HSPA12A: variants seen among roughly 807,000 people sequenced by gnomAD.
The protein encoded by HSPA12A is heat shock 70 kDa protein 12A.
A neutral mutation model predicts 69.2 loss-of-function variants in HSPA12A; 28 were observed. The ratio of observed to expected loss-of-function variants is 0.40; its 90% CI spans 0.30 to 0.55. The LOEUF (loss-of-function observed/expected upper bound fraction) is 0.55, where lower values mean the gene tolerates loss of function less well. HSPA12A is among the 20% of genes least tolerant of loss of function. The probability of loss-of-function intolerance (pLI) is 0.38; values close to 1 mark genes in which losing one functional copy is unlikely to be tolerated. For missense variants in HSPA12A, 686 were observed against 900.7 expected (o/e 0.76, Z 3.05); for synonymous variants, 345 against 370.5 (o/e 0.93, Z 0.79).
At chr10:116,694,404 G>A (rs762942765) in intron 5 of HSPA12A, among the ~76,000 whole-genome samples, 4 of 152,120 alleles carry the variant, frequency 2.6e-5, no homozygotes, top group East Asian at 1.9e-4. Context: ...ATTTATTCAC[G>A]GCATATTCCC....
intron 5 of HSPA12A, among the ~76,000 whole-genome samples, chr10:116,695,876 A>G (rs12245201): frequency 0.52 from 77,985 of 149,046 alleles, 20,711 homozygotes; most frequent in Middle Eastern, 0.64. Flanking sequence ...GGTGGCACAC[A>G]CCTGTAGTCC....
rs533102470 is a variant in HSPA12A, at chr10:116,686,400, G to A, written c.664-2438C>T. 7.9e-5 allele frequency among the ~76,000 whole-genome samples: 12 copies of A among 152,270 alleles called. No individual in the cohort carries two copies. The South Asian group carries it at 2.3e-3, about 29-fold the overall frequency. On this transcript the variant is annotated intron_variant, in intron 6 of 11. Transcript: ENST00000369209. This position sits in a 1 kb window ranked among gnomAD's most constrained non-coding sequence, Gnocchi z 4.1. Reference sequence around the variant, plus strand: ...TCCAAGGGGGAAGCTTCCACAAAACGGGGTGAGGAAGAAGGGACAACTTGC... The same window carrying A: ...TCCAAGGGGGAAGCTTCCACAAAACAGGGTGAGGAAGAAGGGACAACTTGC...
chr10:116,813,750 G>T (rs1185327627), intron 2 of HSPA12A, among the ~76,000 whole-genome samples: 1 of 152,074 alleles, frequency 6.6e-6, no homozygotes, highest in Non-Finnish European at 1.5e-5. Flanking sequence ...TGGGCATGGT[G>T]ATGAGCACCT....
At position 116,835,866 on chromosome 10, in the gene HSPA12A, C is replaced by T. The variant is rs9420214; in HGVS notation, c.4-844G>A. On this transcript the variant is annotated intron_variant, in intron 1 of 12. Transcript: ENST00000635765. ...TTAAAGATGAGTAAAATCAAGCCGG[C>T]GGTGTGTGGTGGTGAATGCCTGTGA... 4.2e-3 allele frequency among the ~76,000 whole-genome samples: 639 copies of T among 152,182 alleles called. 4 individuals carry two copies. Among genetic ancestry groups the T allele is most frequent in the African/African-American group, 0.015 (622 of 41,510 alleles).
chr10:116,716,786 C>T (rs1850620300), intron 1 of HSPA12A, among the ~76,000 whole-genome samples: 1 of 152,134 alleles, frequency 6.6e-6, no homozygotes, highest in African/African-American at 2.4e-5. Context: ...GTGCCCCCTT[C>T]TCCCTCCATG....
chr10:116,729,333 C>A (rs1554885424), intron 1 of HSPA12A, among the ~76,000 whole-genome samples: 1 of 152,146 alleles, frequency 6.6e-6, no homozygotes, highest in African/African-American at 2.4e-5. Context: ...GCCTTGAGAT[C>A]CCCCACCATC....
At chr10:116,795,531 C>T (rs1191932196) in intron 2 of HSPA12A, among the ~76,000 whole-genome samples, 1 of 138,202 alleles carries the variant, frequency 7.2e-6, no homozygotes, top group African/African-American at 2.8e-5. Flanking sequence ...AAAAAAAATA[C>T]AAAAATTAGC....
At chr10:116,758,287 C>T (rs572384891) in intron 2 of HSPA12A, among the ~76,000 whole-genome samples, 1 of 152,292 alleles carries the variant, frequency 6.6e-6, no homozygotes, top group East Asian at 1.9e-4. Flanking sequence ...ACTCATTCCC[C>T]TTTCACTCTG....
At chr10:116,722,986 G>A (rs1469184470) in intron 1 of HSPA12A, among the ~76,000 whole-genome samples, 1 of 151,960 alleles carries the variant, frequency 6.6e-6, no homozygotes, top group Non-Finnish European at 1.5e-5. Context: ...CAGGCCAAAG[G>A]AACAGCAAGG....
intron 1 of HSPA12A, among the ~76,000 whole-genome samples, chr10:116,724,958 T>A (rs1203441810): frequency 1.3e-5 from 2 of 152,176 alleles, no homozygotes; most frequent in African/African-American, 4.8e-5. Flanking sequence ...AGCAACACCG[T>A]GGTGCAGGCT....
At chr10:116,790,762 C>T (rs1172869856) in intron 2 of HSPA12A, among the ~76,000 whole-genome samples, 1 of 152,150 alleles carries the variant, frequency 6.6e-6, no homozygotes, top group Admixed American at 6.5e-5. Context: ...ATGATCTTGG[C>T]TCACTGCAAC....
At chr10:116,849,830 G>A, upstream of HSPA12A, 2 of 1,341,798 alleles carry the variant, frequency 1.5e-6, no homozygotes, top group Non-Finnish European at 1.0e-6. Context: ...TCAGAATCTC[G>A]CATGCCAGCC....
upstream of HSPA12A, among the ~76,000 whole-genome samples, chr10:116,743,767 GAT>G (rs1554887581): frequency 2.6e-5 from 4 of 152,246 alleles, no homozygotes; most frequent in African/African-American, 9.6e-5. Flanking sequence ...ACCAGAAGGT[GAT>G]GGCAGAGTGA....
chr10:116,769,006 C>T (rs548222962), intron 2 of HSPA12A, among the ~76,000 whole-genome samples: 9 of 152,254 alleles, frequency 5.9e-5, no homozygotes, highest in Admixed American at 4.6e-4. Flanking sequence ...TAGGACTGGA[C>T]GTTGTGATTC....
At chr10:116,752,320 G>C (rs551098077) in intron 2 of HSPA12A, among the ~76,000 whole-genome samples, 1 of 152,324 alleles carries the variant, frequency 6.6e-6, no homozygotes, top group South Asian at 2.1e-4. Context: ...GAAGTCTAAA[G>C]TTTGCATTAA....
chr10:116,840,594 A>G (rs988743940), intron 1 of HSPA12A, among the ~76,000 whole-genome samples: 1 of 152,192 alleles, frequency 6.6e-6, no homozygotes, highest in Non-Finnish European at 1.5e-5. Context: ...AGGAATCTCA[A>G]CAAGTGTTGG....
At chr10:116,685,353 G>T (rs1849548716) in intron 6 of HSPA12A, among the ~76,000 whole-genome samples, 1 of 152,058 alleles carries the variant, frequency 6.6e-6, no homozygotes, top group Non-Finnish European at 1.5e-5. Context: ...AATGCAAAGT[G>T]GCCAGGCGTG....
rs782283157 is a variant in HSPA12A at position 116,707,204 on chromosome 10, A to G, written c.122T>C (p.Ile41Thr). ...ACACACACACACACTTCTTACCACAATATGGGAGGGGGACAGAGGCGTTAT... is the reference window on the plus strand; with the variant it reads ...ACACACACACACACTTCTTACCACAGTATGGGAGGGGGACAGAGGCGTTAT... ...TGITPLSPSH[I>T]VNDTDSNVSE... The change falls in exon 2 of 12, where the codon ATT becomes ACT. Residue 41 changes from isoleucine (I) to threonine (T), a missense_variant. Transcript: ENST00000369209. The G allele has an allele frequency of 2.9e-5, 46 of 1,591,844 alleles. No individual in the cohort carries two copies. The highest frequency in any genetic ancestry group is 3.4e-4 in the Middle Eastern group (2 of 5,942).
At chr10:116,691,558 G>A (rs1554880147) in intron 6 of HSPA12A, among the ~76,000 whole-genome samples, 1 of 152,198 alleles carries the variant, frequency 6.6e-6, no homozygotes, top group African/African-American at 2.4e-5. Flanking sequence ...TACACAGAGA[G>A]CTGACCCAGG....
Sources: allele counts gnomAD v4.1 joint callset (sites outside exome capture counted in the v4.1 genomes callset), GRCh38; gene constraint gnomAD v4.1.1; non-coding constraint Gnocchi (gnomAD v3.1); transcripts MANE v1.5; gene names NCBI Gene and HGNC (gene_info 2026-07-23, HGNC 2026-07-21).